The following PRPF39 variants were observed in gnomAD, a reference collection of about 807,000 sequenced individuals.
PRPF39 encodes pre-mRNA-processing factor 39.
A neutral mutation model predicts 82.1 loss-of-function variants in PRPF39; 27 were observed. That is an observed-to-expected ratio of 0.33 (90% CI 0.24 to 0.45). The LOEUF (loss-of-function observed/expected upper bound fraction) is 0.45. Ranked by LOEUF, PRPF39 falls within the 20% of genes least tolerant of loss-of-function variation. PRPF39 has a pLI of 1.00. For synonymous variants in PRPF39, 261 were observed against 256.4 expected, an observed-to-expected ratio of 1.02 and a Z score of -0.17; for missense variants, 581 against 796.9, an observed-to-expected ratio of 0.73 and a Z score of 3.26.
chr14:45,093,156 G>T (rs766116241), intron 1 of PRPF39, among the ~76,000 whole-genome samples: 1 of 151,814 alleles, frequency 6.6e-6, no homozygotes, highest in Admixed American at 6.6e-5. Context: ...ATCTATAATG[G>T]ATATTTTTCT....
chr14:45,085,513 CT>C (rs541211376), intron 1 of PRPF39, among the ~76,000 whole-genome samples: 2 of 152,116 alleles, frequency 1.3e-5, no homozygotes, highest in Non-Finnish European at 2.9e-5. Flanking sequence ...GAAGATAGGA[CT>C]TCAAAAAAAA....
chr14:45,093,131 A>G (rs1239628974), intron 1 of PRPF39, among the ~76,000 whole-genome samples: 1 of 152,126 alleles, frequency 6.6e-6, no homozygotes, highest in East Asian at 1.9e-4. Flanking sequence ...GTATGCATAT[A>G]TATGTATTTA....
chr14:45,096,754 A>G, intron 3 of PRPF39, 133 bp from the exon 4 acceptor site: 1 of 1,536,910 alleles, frequency 6.5e-7, no homozygotes, highest in Non-Finnish European at 8.7e-7. Flanking sequence ...ACCTCCACCC[A>G]AATGGTAATG....
At chr14:45,093,932 A>G (rs533040114) in intron 1 of PRPF39, among the ~76,000 whole-genome samples, 29 of 152,088 alleles carry the variant, frequency 1.9e-4, no homozygotes, top group African/African-American at 6.3e-4. Context: ...AAACAAATAC[A>G]TGTTTTTTCT....
At position 45,110,004 on chromosome 14, in the gene PRPF39, G is replaced by A; in HGVS notation, c.1177-90G>A. The stretch of plus-strand genomic sequence containing the variant: ...AGTGGTTCAATAAAGGTGCTGAATG[G>A]GTTTAAAAATAGAATTTTATCGTTC... On this transcript the variant is annotated intron_variant, in intron 8 of 13. Transcript: ENST00000355765. This position sits in a 1 kb window ranked among gnomAD's most constrained non-coding sequence, Gnocchi z 4.0. The A allele has an allele frequency of 6.3e-7, 1 of 1,592,158 alleles. No individual in the cohort carries two copies. Among genetic ancestry groups the A allele is most frequent in the South Asian group, 1.1e-5 (1 of 87,582 alleles).
intron 1 of PRPF39, among the ~76,000 whole-genome samples, chr14:45,092,047 T>A (rs1202486375): frequency 6.6e-6 from 1 of 152,232 alleles, no homozygotes; most frequent in African/African-American, 2.4e-5. Context: ...TATGGTCAAA[T>A]CCAAGGTAAG....
chr14:45,100,468 T>C (rs1399208354), intron 4 of PRPF39, among the ~76,000 whole-genome samples: 1 of 152,248 alleles, frequency 6.6e-6, no homozygotes. Flanking sequence ...ACCTAGCTTC[T>C]GAAATCCCCA....
chr14:45,112,564 G>T lies in PRPF39; in HGVS notation c.1757+62G>T, dbSNP rs140891167. Reference sequence around the variant, plus strand: ...ATGAGCATTGATATTTTTGTATGGGGATTTGATGATTAGTATAGATTAATA... The same window carrying T: ...ATGAGCATTGATATTTTTGTATGGGTATTTGATGATTAGTATAGATTAATA... On this transcript the variant is annotated intron_variant, in intron 11 of 13. Transcript: ENST00000355765. 6.2e-4 allele frequency: 851 copies of T among 1,364,828 alleles called. 3 individuals carry two copies. The African/African-American group carries it at 0.011, about 18-fold the overall frequency. The allele number at this position is 1,364,828 out of a possible 1,614,324, so 84.5% of individuals were successfully genotyped here.
chr14:45,088,495 C>G (rs940141696), intron 1 of PRPF39, among the ~76,000 whole-genome samples: 1 of 152,156 alleles, frequency 6.6e-6, no homozygotes, highest in Non-Finnish European at 1.5e-5. Flanking sequence ...CAAAACTCAA[C>G]AGAAATAGAA....
intron 1 of PRPF39, among the ~76,000 whole-genome samples, chr14:45,091,034 T>C (rs1884006905): frequency 6.6e-6 from 1 of 151,550 alleles, no homozygotes; most frequent in Non-Finnish European, 1.5e-5. Flanking sequence ...AAAAATAGTT[T>C]CATACTATTT....
chr14:45,091,814 A>G (rs1250039405), intron 1 of PRPF39, among the ~76,000 whole-genome samples: 1 of 152,236 alleles, frequency 6.6e-6, no homozygotes, highest in Non-Finnish European at 1.5e-5. Flanking sequence ...AAAGCAATGG[A>G]CAGTCTCATG....
intron 1 of PRPF39, 99 bp from the exon 2 acceptor site, chr14:45,095,118 ATTTC>A: frequency 1.5e-6 from 1 of 666,998 alleles, no homozygotes; most frequent in Non-Finnish European, 2.5e-6. Flanking sequence ...TCACATTAAT[ATTTC>A]TTTAATAGCT....
In PRPF39 at chr14:45,096,174, G is replaced by A; in HGVS notation, c.396G>A (p.Trp132Ter). The change falls in exon 3 of 14, where the codon TGG (tryptophan) becomes TGA (stop). Residue 132 changes from tryptophan to a stop codon, truncating the protein, a stop_gained. Coordinates refer to ENST00000355765, the MANE Select transcript of PRPF39 (RefSeq NM_017922.4). LOFTEE classifies it high-confidence loss of function. ...ACTATCCGTATTGCTATGGTTACTG[G>A]AAAAAGTATGCAGACCTTGAAAAGC... ...FIHYPYCYGY[W>*]KKYADLEKRH... The A allele has an allele frequency of 1.3e-6, 2 of 1,591,328 alleles. No homozygotes were observed. The highest frequency in any genetic ancestry group is 1.7e-6 in the Non-Finnish European group (2 of 1,168,070).
intron 4 of PRPF39, among the ~76,000 whole-genome samples, chr14:45,102,238 C>G (rs1172381794): frequency 2.6e-5 from 4 of 152,172 alleles, no homozygotes; most frequent in African/African-American, 7.2e-5. Context: ...TCAGATTTAA[C>G]AAATACTTAC....
intron 11 of PRPF39, among the ~76,000 whole-genome samples, chr14:45,113,669 C>G (rs1256872572): frequency 6.6e-6 from 1 of 152,174 alleles, no homozygotes; most frequent in East Asian, 1.9e-4. Context: ...GTCTCTCGAT[C>G]AGAATGGATT....
chr14:45,106,113 G>A (rs886239950), intron 5 of PRPF39, among the ~76,000 whole-genome samples: 2 of 152,056 alleles, frequency 1.3e-5, no homozygotes, highest in African/African-American at 2.4e-5. Flanking sequence ...ACTTTGGGAG[G>A]CTGAGGCGGG....
At chr14:45,095,587 C>G in intron 2 of PRPF39, 24 bp downstream of exon 2, 1 of 1,531,712 alleles carries the variant, frequency 6.5e-7, no homozygotes, top group Non-Finnish European at 8.8e-7. Context: ...AAAATGGTAT[C>G]AGAAGGGACA....
intron 6 of PRPF39, 90 bp downstream of exon 6, chr14:45,107,706 G>A: frequency 2.3e-6 from 3 of 1,288,898 alleles, no homozygotes; most frequent in Non-Finnish European, 2.1e-6. Context: ...AGGTAGGCGG[G>A]TCACCTGAGG....
At position 45,084,242 on chromosome 14, in the gene PRPF39, A is replaced by G. The variant is rs1265885375; in HGVS notation, c.-27A>G. On this transcript the variant is annotated 5_prime_UTR_variant, in exon 1 of 14. Transcript: ENST00000355765. ...CGGCTCATGGCATCAAGTGGCATCC[A>G]TCATAAGGTCTGCTGGGGCGGGCTC... 2.0e-5 allele frequency: 3 copies of G among 152,980 alleles called. No individual in the cohort carries two copies. The highest frequency in any genetic ancestry group is 4.4e-5 in the Non-Finnish European group (3 of 68,356). 9.5% of individuals were successfully genotyped at this position (152,980 alleles called of 1,614,324 possible).
Sources: gnomAD v4.1 joint callset for allele counts (sites outside exome capture counted in the v4.1 genomes callset) on GRCh38, gnomAD v4.1.1 for gene constraint, Gnocchi (gnomAD v3.1) non-coding constraint, MANE v1.5 for transcripts, NCBI Gene and HGNC (gene_info 2026-07-23, HGNC 2026-07-21) for gene names.